CFAP20DC: variants seen among roughly 807,000 people sequenced by gnomAD.
CFAP20DC encodes protein CFAP20DC.
A neutral mutation model predicts 101.7 loss-of-function variants in CFAP20DC; 84 were observed. The observed-to-expected ratio is 0.83, with a 90% confidence interval of 0.69 to 0.99. The LOEUF (loss-of-function observed/expected upper bound fraction) is 0.99, where lower values mean the gene tolerates loss of function less well. Ranked by LOEUF, CFAP20DC falls within the 50% of genes least tolerant of loss-of-function variation. CFAP20DC has a pLI of 0.00. For synonymous variants in CFAP20DC, 359 were observed against 351.2 expected (o/e 1.02, Z -0.25); for missense variants, 1,007 against 970.3 (o/e 1.04, Z -0.50).
intron 4 of CFAP20DC, among the ~76,000 whole-genome samples, chr3:59,009,004 A>G (rs1474362220): frequency 6.6e-6 from 1 of 152,140 alleles, no homozygotes; most frequent in Non-Finnish European, 1.5e-5. Context: ...GAATATAACT[A>G]CTACCACTCA....
chr3:58,757,864 C>T (rs1365680698), intron 15 of CFAP20DC, among the ~76,000 whole-genome samples: 1 of 152,000 alleles, frequency 6.6e-6, no homozygotes, highest in Non-Finnish European at 1.5e-5. Flanking sequence ...ATTTGTTTAG[C>T]TTTTTACTAA....
chr3:58,951,872 C>A (rs566859591), intron 4 of CFAP20DC, among the ~76,000 whole-genome samples: 3 of 151,972 alleles, frequency 2.0e-5, no homozygotes, highest in South Asian at 2.1e-4. Context: ...CAAACCTGCA[C>A]GTTGTGCACA....
At chr3:58,733,115 T>C (rs1323193503) in intron 3 of CFAP20DC, among the ~76,000 whole-genome samples, 1 of 152,186 alleles carries the variant, frequency 6.6e-6, no homozygotes, top group African/African-American at 2.4e-5. Context: ...GTGGATTGCC[T>C]GAGGTCAGGT....
intron 4 of CFAP20DC, among the ~76,000 whole-genome samples, chr3:58,979,360 A>T (rs2092421397): frequency 6.6e-6 from 1 of 152,256 alleles, no homozygotes; most frequent in South Asian, 2.1e-4. Flanking sequence ...ATTGAATGCA[A>T]TAATGTATGT....
chr3:58,957,427 A>G (rs757509086), intron 4 of CFAP20DC, among the ~76,000 whole-genome samples: 21 of 152,190 alleles, frequency 1.4e-4, no homozygotes, highest in South Asian at 2.1e-4. Flanking sequence ...TACAGCCACT[A>G]TGGAGAACAG....
intron 13 of CFAP20DC, 33 bp downstream of exon 13, chr3:58,848,999 C>T: frequency 6.6e-7 from 1 of 1,522,946 alleles, no homozygotes. Context: ...GGATGTATTG[C>T]CGGCATCTGT....
intron 12 of CFAP20DC, among the ~76,000 whole-genome samples, chr3:58,856,583 C>T (rs1352294657): frequency 1.3e-5 from 2 of 152,160 alleles, no homozygotes; most frequent in Non-Finnish European, 2.9e-5. Flanking sequence ...TTGAAGAACT[C>T]TGCCTTCAGG....
chr3:58,731,066 G>A (rs1250171383), intron 3 of CFAP20DC, among the ~76,000 whole-genome samples: 3 of 152,146 alleles, frequency 2.0e-5, no homozygotes, highest in Non-Finnish European at 2.9e-5. Context: ...ATCCTGTTCC[G>A]TAGATGAAAA....
rs1275261132 is a variant in CFAP20DC, at chr3:58,856,051, TA to T, written c.1594-6643del. On this transcript the variant is annotated intron_variant, in intron 12 of 16. Coordinates refer to ENST00000482387, the MANE Select transcript of CFAP20DC (RefSeq NM_001394063.1). ...TAGGAAAAAAAACTTCAAAATAAAG[TA>T]GAGATTTTCCAGTTAAAAATATAAT... Among the ~76,000 whole-genome samples, 6 of 148,598 alleles carry T rather than the reference TA, an allele frequency of 4.0e-5. 1 individual carries two copies. Among genetic ancestry groups the T allele is most frequent in the Non-Finnish European group, 8.9e-5 (6 of 67,616 alleles).
chr3:58,946,113 ATTTTTTT>A (rs57865077), intron 4 of CFAP20DC, among the ~76,000 whole-genome samples: 2 of 123,828 alleles, frequency 1.6e-5, no homozygotes, highest in African/African-American at 6.6e-5. Flanking sequence ...AACTGCCCCA[ATTTTTTT>A]TTTTTTTTTT....
Position 58,788,788 on chromosome 3 carries a change from T to C in CFAP20DC, c.2237+17607A>G, listed in dbSNP as rs904483380. On this transcript the variant is annotated intron_variant, in intron 15 of 16. Transcript: ENST00000482387. The surrounding 1 kb of genome is among the most constrained non-coding windows in gnomAD (Gnocchi z 4.2). ...GTCTCTTGTTTCCACATCTGGAATA[T>C]GGGAATAAGAGAACTGACCCTACTG... is the stretch of plus-strand genomic sequence containing the variant. 2.6e-5 allele frequency among the ~76,000 whole-genome samples: 4 copies of C among 152,120 alleles called. No homozygotes were observed. Among genetic ancestry groups the C allele is most frequent in the Non-Finnish European group, 5.9e-5 (4 of 68,024 alleles).
chr3:58,862,499 A>G (rs1405057540), intron 12 of CFAP20DC: 1 of 985,338 alleles, frequency 1.0e-6, no homozygotes, highest in Non-Finnish European at 1.2e-6. Context: ...CTCAGAAGCA[A>G]GAATATTGTG....
rs2067475742 is a variant in CFAP20DC, at chr3:58,721,684, C to T, written c.198-4056G>A. On this transcript the variant is annotated intron_variant, in intron 3 of 3. Transcript: ENST00000486145. This position sits in a 1 kb window ranked among gnomAD's most constrained non-coding sequence, Gnocchi z 5.2. ...TGGAGGGAGGGGGAGGACTGTATCC[C>T]ACAGGACTTGGATGGCCACGATGCA... 6.6e-6 allele frequency among the ~76,000 whole-genome samples: 1 copy of T among 152,152 alleles called. No homozygotes were observed. Among genetic ancestry groups the T allele is most frequent in the Admixed American group, 6.5e-5 (1 of 15,278 alleles).
intron 16 of CFAP20DC, among the ~76,000 whole-genome samples, chr3:58,752,393 C>G (rs1434207552): frequency 1.3e-5 from 2 of 152,050 alleles, no homozygotes; most frequent in Non-Finnish European, 2.9e-5. Context: ...TGTAGAATGG[C>G]CAGCACACTT....
intron 4 of CFAP20DC, among the ~76,000 whole-genome samples, chr3:59,026,838 A>T (rs2093901733): frequency 6.6e-6 from 1 of 152,220 alleles, no homozygotes; most frequent in Admixed American, 6.5e-5. Context: ...CGGAAAAAAT[A>T]ACATAAGAGT....
intron 14 of CFAP20DC, among the ~76,000 whole-genome samples, chr3:58,818,524 A>C (rs1265172985): frequency 6.6e-6 from 1 of 151,152 alleles, no homozygotes; most frequent in Admixed American, 6.6e-5. Context: ...TAAACCAACA[A>C]AGATCAAAAG....
intron 3 of CFAP20DC, among the ~76,000 whole-genome samples, chr3:59,045,053 G>A (rs777708371): frequency 6.6e-6 from 1 of 151,282 alleles, no homozygotes; most frequent in Non-Finnish European, 1.5e-5. Flanking sequence ...ATCTTTAAGT[G>A]GCAATAAATT....
intron 14 of CFAP20DC, among the ~76,000 whole-genome samples, chr3:58,808,111 G>T (rs1475142741): frequency 6.6e-6 from 1 of 152,232 alleles, no homozygotes; most frequent in African/African-American, 2.4e-5. Context: ...AAGTGACAGG[G>T]AGAATGGAAC....
At chr3:58,797,111 G>A (rs2073315121) in intron 15 of CFAP20DC, among the ~76,000 whole-genome samples, 1 of 152,112 alleles carries the variant, frequency 6.6e-6, no homozygotes, top group South Asian at 2.1e-4. Context: ...GACCCTGAGT[G>A]TTCACGTGAA....
Sources: gnomAD v4.1 joint callset for allele counts (sites outside exome capture counted in the v4.1 genomes callset) on GRCh38, gnomAD v4.1.1 for gene constraint, Gnocchi (gnomAD v3.1) non-coding constraint, MANE v1.5 for transcripts, NCBI Gene and HGNC (gene_info 2026-07-23, HGNC 2026-07-21) for gene names.